FAM167A: variants seen among roughly 807,000 people sequenced by gnomAD.
The protein encoded by FAM167A is protein FAM167A.
In FAM167A, 23 loss-of-function variants were observed where a neutral mutation model predicts 14.9. That is an observed-to-expected ratio of 1.55 (90% confidence interval 1.11 to 2.19). The LOEUF is 2.19. FAM167A is among the 30% of genes most tolerant of loss of function. FAM167A has a pLI of 0.00. For missense variants in FAM167A, 401 were observed against 281.5 expected, an observed-to-expected ratio of 1.42 and a Z score of -3.04; for synonymous variants, 174 against 117.7, an observed-to-expected ratio of 1.48 and a Z score of -3.10.
chr8:11,442,261 G>A (rs1285677619), intron 2 of FAM167A, among the ~76,000 whole-genome samples: 1 of 152,078 alleles, frequency 6.6e-6, no homozygotes, highest in Admixed American at 6.5e-5. Flanking sequence ...TTGTAGACTC[G>A]AGGCCCAGGC....
At chr8:11,467,401 C>G (rs1403741292), upstream of FAM167A, 1 of 152,726 alleles carries the variant, frequency 6.5e-6, no homozygotes, top group Non-Finnish European at 1.5e-5. Context: ...ACAGGCAGGA[C>G]AGCAGCCCGA....
intron 1 of FAM167A, among the ~76,000 whole-genome samples, chr8:11,454,630 G>C (rs1417807645): frequency 6.6e-6 from 1 of 152,242 alleles, no homozygotes; most frequent in East Asian, 1.9e-4. Flanking sequence ...GCTCATGCCT[G>C]CATCTTTTCC....
chr8:11,432,392 T>C (rs1322967428), intron 2 of FAM167A, among the ~76,000 whole-genome samples: 1 of 152,086 alleles, frequency 6.6e-6, no homozygotes, highest in Non-Finnish European at 1.5e-5. Flanking sequence ...AACAACCCCA[T>C]CAAGAAATGG....
At chr8:11,442,862 C>G (rs144252515) in intron 2 of FAM167A, among the ~76,000 whole-genome samples, 3 of 152,336 alleles carry the variant, frequency 2.0e-5, no homozygotes, top group African/African-American at 7.2e-5. Flanking sequence ...AGTGTTAAAA[C>G]GCAAACAGGC....
chr8:11,429,506 G>A (rs188468598), intron 2 of FAM167A, among the ~76,000 whole-genome samples: 18 of 152,300 alleles, frequency 1.2e-4, no homozygotes, highest in African/African-American at 2.6e-4. Flanking sequence ...GGCTGCAGCC[G>A]CACACGTTTG....
At chr8:11,442,773 G>A (rs1306401012) in intron 2 of FAM167A, among the ~76,000 whole-genome samples, 2 of 151,928 alleles carry the variant, frequency 1.3e-5, no homozygotes, top group Non-Finnish European at 2.9e-5. Context: ...CTTCTCCGAA[G>A]CCGACAGCAC....
chr8:11,428,316 A>G (rs980381077), intron 2 of FAM167A, among the ~76,000 whole-genome samples: 4 of 152,332 alleles, frequency 2.6e-5, no homozygotes, highest in South Asian at 2.1e-4. Context: ...TCAGAGAACA[A>G]TTTACTCTTT....
upstream of FAM167A, among the ~76,000 whole-genome samples, chr8:11,472,494 C>A (rs1161184048): frequency 7.3e-6 from 1 of 136,254 alleles, no homozygotes; most frequent in Non-Finnish European, 1.5e-5. Flanking sequence ...GGCTGGAGTG[C>A]AGTGGCGTGA....
upstream of FAM167A, among the ~76,000 whole-genome samples, chr8:11,470,402 G>A (rs539702183): frequency 5.9e-5 from 9 of 152,276 alleles, no homozygotes; most frequent in South Asian, 1.5e-3. Flanking sequence ...TGGATGCCTC[G>A]AGGCCAGAAT....
In FAM167A at chr8:11,444,351, C is replaced by T. The variant is rs367989433; in HGVS notation, c.61G>A (p.Ala21Thr). The T allele has an allele frequency of 4.7e-5, 75 of 1,599,614 alleles. No homozygotes were observed. The highest frequency in any genetic ancestry group is 3.1e-4 in the African/African-American group (23 of 74,252). ...VGAEEGAGAA[A>T]PPDDHLRSLK... ...CTCCGGAGGTGGTCATCGGGTGGTG[C>T]GGCTGCTCCCGCCCCCTCTTCTGCA... Residue 21 changes from alanine to threonine, a missense_variant, in exon 2 of 3, where the codon GCA becomes ACA. Ala to Thr is a moderately conservative substitution (Grantham distance 58). Transcript: ENST00000284486.
intron 1 of FAM167A, among the ~76,000 whole-genome samples, chr8:11,448,578 C>G (rs1009777901): frequency 6.6e-6 from 1 of 152,222 alleles, no homozygotes; most frequent in Non-Finnish European, 1.5e-5. Context: ...CACATCCTTC[C>G]CTGGACACCA....
At chr8:11,434,492 T>C (rs1041581643) in intron 2 of FAM167A, among the ~76,000 whole-genome samples, 2 of 151,446 alleles carry the variant, frequency 1.3e-5, no homozygotes, top group Admixed American at 1.3e-4. Context: ...GAATGGTGAG[T>C]TTGCTGGGAG....
At chr8:11,466,125 C>A (rs1402368680) in intron 1 of FAM167A, among the ~76,000 whole-genome samples, 1 of 152,154 alleles carries the variant, frequency 6.6e-6, no homozygotes, top group Non-Finnish European at 1.5e-5. Context: ...TCCCTCAGGT[C>A]ACACTGGCTT....
Position 11,444,354 on chromosome 8 carries a change from C to A in FAM167A, c.58G>T (p.Ala20Ser), listed in dbSNP as rs894496900. The A allele has an allele frequency of 6.3e-7, 1 of 1,599,250 alleles. No individual in the cohort carries two copies. Among genetic ancestry groups the A allele is most frequent in the African/African-American group, 1.3e-5 (1 of 74,246 alleles). ...CGGAGGTGGTCATCGGGTGGTGCGG[C>A]TGCTCCCGCCCCCTCTTCTGCACCC... The part of the protein sequence containing the change: ...EVGAEEGAGA[A>S]APPDDHLRSL... Residue 20 changes from alanine (A) to serine (S), a missense_variant, in exon 2 of 3, where the codon GCC (alanine) becomes TCC (serine). By Grantham distance (99) the Ala-to-Ser change is moderately conservative (BLOSUM62 1). Coordinates refer to ENST00000284486, the MANE Select transcript of FAM167A (RefSeq NM_053279.3).
At chr8:11,426,529 T>A (rs570987961) in intron 2 of FAM167A, among the ~76,000 whole-genome samples, 1 of 152,314 alleles carries the variant, frequency 6.6e-6, no homozygotes, top group Non-Finnish European at 1.5e-5. Context: ...ACCAAAAGTG[T>A]CTGAGACAGG....
intron 2 of FAM167A, among the ~76,000 whole-genome samples, chr8:11,437,472 T>A (rs1285723597): frequency 6.6e-6 from 1 of 152,114 alleles, no homozygotes; most frequent in Non-Finnish European, 1.5e-5. Flanking sequence ...AACCAAGAAG[T>A]CTTGGTTAAT....
At chr8:11,459,377 T>C (rs545282256) in intron 1 of FAM167A, among the ~76,000 whole-genome samples, 4 of 152,380 alleles carry the variant, frequency 2.6e-5, no homozygotes, top group African/African-American at 7.2e-5. Context: ...AACAGGCATG[T>C]GAGCTTTATA....
intron 1 of FAM167A, 158 bp from the exon 2 acceptor site, chr8:11,444,966 C>T: frequency 1.4e-6 from 1 of 698,438 alleles, no homozygotes; most frequent in Non-Finnish European, 1.8e-6. Context: ...ATTTTAATGC[C>T]TTAATTCAAT....
rs559601335 is a variant in FAM167A at position 11,456,956 on chromosome 8, G to C, written c.-398+9670C>G. On this transcript the variant is annotated intron_variant, in intron 1 of 2. Coordinates refer to ENST00000284486, the MANE Select transcript of FAM167A (RefSeq NM_053279.3). ...TAGGGGTATGAGCGGGGCTGGGTTA[G>C]GGAAGTGGGCGGGGCTGGGTTAGGG... is the stretch of plus-strand genomic sequence containing the variant. 1.0e-4 allele frequency among the ~76,000 whole-genome samples: 14 copies of C among 135,512 alleles called. 1 individual carries two copies. Among genetic ancestry groups the C allele is most frequent in the Non-Finnish European group, 1.8e-4 (11 of 62,646 alleles). 88.9% of individuals were successfully genotyped at this position (135,512 alleles called of 152,430 possible).
Sources: gnomAD v4.1 joint callset for allele counts (sites outside exome capture counted in the v4.1 genomes callset) on GRCh38, gnomAD v4.1.1 for gene constraint, MANE v1.5 for transcripts, NCBI Gene and HGNC (gene_info 2026-07-23, HGNC 2026-07-21) for gene names.